The following FKTN variants were observed in gnomAD, a reference collection of about 807,000 sequenced individuals.
The protein encoded by FKTN is ribitol-5-phosphate transferase FKTN.
FKTN carries 47 observed loss-of-function variants against 58.6 expected under a neutral mutation model. The ratio of observed to expected loss-of-function variants is 0.80; its 90% CI spans 0.63 to 1.02. FKTN has a LOEUF of 1.02. Among genes scored for constraint, FKTN ranks in the 50% least tolerant of loss-of-function variants. The pLI is 0.00. For synonymous variants in FKTN, 178 were observed against 191.9 expected, an observed-to-expected ratio of 0.93 and a Z score of 0.60; for missense variants, 516 against 537.3, an observed-to-expected ratio of 0.96 and a Z score of 0.39.
At chr9:105,582,131 G>A (rs1398985450) in intron 3 of FKTN, among the ~76,000 whole-genome samples, 1 of 152,150 alleles carries the variant, frequency 6.6e-6, no homozygotes. Context: ...CGTCTTCTGC[G>A]TCGCTCATGC....
intron 3 of FKTN, among the ~76,000 whole-genome samples, chr9:105,588,014 AG>A: frequency 6.6e-6 from 1 of 152,232 alleles, no homozygotes; most frequent in East Asian, 1.9e-4. Context: ...TGAAAAAGAC[AG>A]TTATTGAAGA....
Position 105,638,145 on chromosome 9 carries a change from T to C in FKTN, c.*2881T>C. Reference sequence around the variant, plus strand: ...AAAGAATGATCTGAACAAGAACAGCTGAGGCTAAAACCCAAGACTGCCGTG... The same window carrying C: ...AAAGAATGATCTGAACAAGAACAGCCGAGGCTAAAACCCAAGACTGCCGTG... On this transcript the variant is annotated 3_prime_UTR_variant, in exon 11 of 11. Coordinates refer to ENST00000357998, the MANE Select transcript of FKTN (RefSeq NM_001079802.2). 1 of 984,864 alleles carries C rather than the reference T, an allele frequency of 1.0e-6. No individual in the cohort carries two copies. Among genetic ancestry groups the C allele is most frequent in the Non-Finnish European group, 1.2e-6 (1 of 829,460 alleles). 61.0% of individuals were successfully genotyped at this position (984,864 alleles called of 1,614,324 possible). A position where few individuals can be genotyped will look rare whatever the true frequency, so the allele number is the denominator to read the frequency against.
intron 1 of FKTN, among the ~76,000 whole-genome samples, chr9:105,568,195 G>A (rs1432431351): frequency 6.6e-6 from 1 of 152,072 alleles, no homozygotes; most frequent in Non-Finnish European, 1.5e-5. Context: ...AACCCTAGAA[G>A]AAAACCAAGG....
In FKTN at chr9:105,635,338, T is replaced by C; in HGVS notation, c.*74T>C. The C allele has an allele frequency of 6.2e-7, 1 of 1,603,130 alleles. No individual in the cohort carries two copies. Among genetic ancestry groups the C allele is most frequent in the Non-Finnish European group, 8.5e-7 (1 of 1,174,726 alleles). On this transcript the variant is annotated 3_prime_UTR_variant, in exon 11 of 11. Transcript: ENST00000357998. ...TAACTGTTTAAAAAATACATGTCTA[T>C]TTGTCAAACATAAGTGGGAACCAAA...
intron 3 of FKTN, among the ~76,000 whole-genome samples, chr9:105,590,118 C>T (rs1451281717): frequency 6.6e-6 from 1 of 152,138 alleles, no homozygotes; most frequent in Admixed American, 6.5e-5. Context: ...CAAATCTCAT[C>T]TTTAATTGTA....
At position 105,596,961 on chromosome 9, in the gene FKTN, A is replaced by G. The variant is rs190815593; in HGVS notation, c.165+304A>G. On this transcript the variant is annotated intron_variant, in intron 4 of 10. Transcript: ENST00000357998. Reference sequence around the variant, plus strand: ...CTGTCTGCCTCTAAAACCCACATTCACTGAGCTATGGTGTTTCCCTAAATG... The same window carrying G: ...CTGTCTGCCTCTAAAACCCACATTCGCTGAGCTATGGTGTTTCCCTAAATG... Among the ~76,000 whole-genome samples, 245 of 152,330 alleles carry G rather than the reference A, an allele frequency of 1.6e-3. No homozygotes were observed. Among genetic ancestry groups the G allele is most frequent in the Non-Finnish European group, 1.8e-3 (124 of 68,032 alleles).
Position 105,632,438 on chromosome 9 carries a change from AT to A in FKTN, c.1173-2612del, listed in dbSNP as rs1306963201. Among the ~76,000 whole-genome samples, 1,357 of 148,626 alleles carry A rather than the reference AT, an allele frequency of 9.1e-3. 20 individuals carry two copies. Among genetic ancestry groups the A allele is most frequent in the African/African-American group, 0.032 (1,301 of 40,706 alleles). ...GTATAATAAAAAAAAATATATATATATATAAAAATAAAAAATAAAATAAATA... is the reference window on the plus strand; with the variant it reads ...GTATAATAAAAAAAAATATATATATAATAAAAATAAAAAATAAAATAAATA... On this transcript the variant is annotated intron_variant, in intron 10 of 10. Coordinates refer to ENST00000357998, the MANE Select transcript of FKTN (RefSeq NM_001079802.2).
chr9:105,603,799 A>G (rs573858231), intron 5 of FKTN: 13 of 253,794 alleles, frequency 5.1e-5, no homozygotes, highest in African/African-American at 2.9e-4. Flanking sequence ...TCAGACCCCC[A>G]AGTAGCTGGG....
rs534444190 is a variant in FKTN, at chr9:105,636,203, A to G, written c.*939A>G. 6.9e-6 allele frequency: 6 copies of G among 870,248 alleles called. No individual in the cohort carries two copies. In the South Asian group the frequency reaches 3.2e-4, roughly 46 times the overall value. 53.9% of individuals were successfully genotyped at this position (870,248 alleles called of 1,614,324 possible). On this transcript the variant is annotated 3_prime_UTR_variant, in exon 11 of 11. Transcript: ENST00000357998. ...CTCCCAATTTTAATGACACTAAAAT[A>G]TTAATAGAATTTTTTAAATATACTC...
intron 1 of FKTN, among the ~76,000 whole-genome samples, chr9:105,561,824 G>A (rs1396421279): frequency 6.6e-6 from 1 of 152,166 alleles, no homozygotes; most frequent in Non-Finnish European, 1.5e-5. Flanking sequence ...CAAAGGAAAA[G>A]AAATGGACAA....
At chr9:105,591,257 A>G (rs979042839) in intron 3 of FKTN, among the ~76,000 whole-genome samples, 1 of 152,212 alleles carries the variant, frequency 6.6e-6, no homozygotes, top group Non-Finnish European at 1.5e-5. Context: ...TCAAAGTCTT[A>G]ACTTATTCCA....
At chr9:105,620,188 C>G in intron 10 of FKTN, 127 bp downstream of exon 10, 1 of 751,106 alleles carries the variant, frequency 1.3e-6, no homozygotes, top group Non-Finnish European at 2.2e-6. Context: ...CTAACACTTT[C>G]TTAGCTTACC....
intron 1 of FKTN, among the ~76,000 whole-genome samples, chr9:105,567,106 G>A (rs577002685): frequency 1.3e-5 from 2 of 152,234 alleles, no homozygotes; most frequent in South Asian, 4.1e-4. Flanking sequence ...AACTCTTCAT[G>A]CTAAAAAGTC....
intron 6 of FKTN, among the ~76,000 whole-genome samples, chr9:105,605,763 G>A (rs1345070320): frequency 2.0e-5 from 3 of 152,082 alleles, no homozygotes; most frequent in African/African-American, 4.8e-5. Flanking sequence ...GGAGAAAGAG[G>A]GGAAGAGGGG....
chr9:105,592,137 G>A (rs760373454), intron 3 of FKTN, among the ~76,000 whole-genome samples: 47 of 152,314 alleles, frequency 3.1e-4, no homozygotes, highest in African/African-American at 8.4e-4. Context: ...TTTTCTTGGC[G>A]AATGCAAATT....
intron 7 of FKTN, among the ~76,000 whole-genome samples, chr9:105,613,981 G>A (rs1185189042): frequency 6.6e-6 from 1 of 152,166 alleles, no homozygotes; most frequent in Non-Finnish European, 1.5e-5. Flanking sequence ...AACAAGTGCG[G>A]AGGCTTGAAA....
chr9:105,573,284 T>C (rs1230154413), intron 1 of FKTN, among the ~76,000 whole-genome samples: 1 of 151,738 alleles, frequency 6.6e-6, no homozygotes, highest in Non-Finnish European at 1.5e-5. Context: ...GAGAATTCAA[T>C]GTTATAACAG....
chr9:105,601,626 A>G (rs1002239261), intron 5 of FKTN, among the ~76,000 whole-genome samples: 1 of 152,100 alleles, frequency 6.6e-6, no homozygotes. Context: ...TTCTTTATTC[A>G]TTTACCTCAT....
At chr9:105,558,379 C>T (rs1354462782) in intron 1 of FKTN, among the ~76,000 whole-genome samples, 1 of 152,126 alleles carries the variant, frequency 6.6e-6, no homozygotes, top group Non-Finnish European at 1.5e-5. Flanking sequence ...TCCACTTGGC[C>T]AGTCCTTCCC....
Sources: gnomAD v4.1 joint callset for allele counts (sites outside exome capture counted in the v4.1 genomes callset) on GRCh38, gnomAD v4.1.1 for gene constraint, MANE v1.5 for transcripts, NCBI Gene and HGNC (gene_info 2026-07-23, HGNC 2026-07-21) for gene names.